KLHL1: variants seen among roughly 807,000 people sequenced by gnomAD.
KLHL1 encodes kelch like family member 1.
Under a neutral mutation model 77.7 loss-of-function variants are expected in KLHL1, and 47 were observed. The ratio of observed to expected loss-of-function variants is 0.60; its 90% CI spans 0.48 to 0.77. The LOEUF (loss-of-function observed/expected upper bound fraction) is 0.77. Ranked by LOEUF, KLHL1 falls within the 30% of genes least tolerant of loss-of-function variation. The pLI, the probability that KLHL1 is intolerant of heterozygous loss-of-function variation, is 0.00. For missense variants in KLHL1, 925 were observed against 910.8 expected, an observed-to-expected ratio of 1.02 and a Z score of -0.20; for synonymous variants, 360 against 325.2, an observed-to-expected ratio of 1.11 and a Z score of -1.15.
chr13:69,829,660 A>C (rs1303126264), intron 6 of KLHL1, among the ~76,000 whole-genome samples: 1 of 150,046 alleles, frequency 6.7e-6, no homozygotes, highest in African/African-American at 2.5e-5. Flanking sequence ...CGCCAGAGAA[A>C]GGTGAAAAAC....
intron 8 of KLHL1, among the ~76,000 whole-genome samples, chr13:69,730,828 C>A (rs911416769): frequency 6.6e-6 from 1 of 152,246 alleles, no homozygotes; most frequent in East Asian, 1.9e-4. Flanking sequence ...AATCCTCTCA[C>A]CTCGGCCTCC....
chr13:69,960,110 CTT>C (rs58284665), intron 3 of KLHL1, among the ~76,000 whole-genome samples: 3 of 124,222 alleles, frequency 2.4e-5, no homozygotes, highest in East Asian at 4.7e-4. Context: ...AGCATGTGTA[CTT>C]TTTTTTTTTT....
At chr13:69,871,284 T>C (rs924981789) in intron 5 of KLHL1, among the ~76,000 whole-genome samples, 6 of 152,146 alleles carry the variant, frequency 3.9e-5, no homozygotes, top group African/African-American at 1.4e-4. Context: ...AGGGAAGTGG[T>C]GCTCTGAGCC....
intron 6 of KLHL1, among the ~76,000 whole-genome samples, chr13:69,810,902 C>A (rs1396793594): frequency 6.6e-6 from 1 of 151,984 alleles, no homozygotes; most frequent in African/African-American, 2.4e-5. Context: ...CATGGAAACA[C>A]TACCTCCCAA....
At chr13:70,054,691 C>T (rs1886702162) in intron 1 of KLHL1, among the ~76,000 whole-genome samples, 1 of 151,020 alleles carries the variant, frequency 6.6e-6, no homozygotes, top group African/African-American at 2.4e-5. Flanking sequence ...AATTCAGAAT[C>T]CTCTCAGACA....
In KLHL1 at chr13:69,831,454, A is replaced by T. The variant is rs542206668; in HGVS notation, c.1414+7522T>A. On this transcript the variant is annotated intron_variant, in intron 6 of 10. Transcript: ENST00000377844. ...AAGGAGCAAGATTGAAATGGTAATT[A>T]AAAAAAGTGTCAAGAAAACAGAAGT... 1.1e-4 allele frequency among the ~76,000 whole-genome samples: 16 copies of T among 149,882 alleles called. 2 individuals carry two copies. Among genetic ancestry groups the T allele is most frequent in the East Asian group, 3.9e-4 (2 of 5,152 alleles).
At chr13:70,094,212 C>T (rs1249326551) in intron 1 of KLHL1, among the ~76,000 whole-genome samples, 6 of 151,792 alleles carry the variant, frequency 4.0e-5, no homozygotes, top group African/African-American at 1.5e-4. Context: ...CACCTGTAGT[C>T]GCAGCTACTC....
At chr13:69,772,749 G>A (rs1444164756) in intron 7 of KLHL1, among the ~76,000 whole-genome samples, 1 of 152,146 alleles carries the variant, frequency 6.6e-6, no homozygotes, top group Non-Finnish European at 1.5e-5. Flanking sequence ...GTTTCTGGAT[G>A]AACAAAGTGT....
intron 4 of KLHL1, among the ~76,000 whole-genome samples, chr13:69,930,706 A>C (rs1331744929): frequency 3.3e-5 from 5 of 151,752 alleles, no homozygotes; most frequent in Non-Finnish European, 5.9e-5. Flanking sequence ...AAAATGTGAA[A>C]GTTAGTAGGA....
rs75836128 is a variant in KLHL1, at chr13:69,712,536, T to C, written c.2016-4740A>G. 3.7e-3 allele frequency among the ~76,000 whole-genome samples: 564 copies of C among 152,228 alleles called. 1 individual carries two copies. The highest frequency in any genetic ancestry group is 0.01 in the Middle Eastern group (3 of 294). On this transcript the variant is annotated intron_variant, in intron 9 of 10. Coordinates refer to ENST00000377844, the MANE Select transcript of KLHL1 (RefSeq NM_020866.3). ...TGAACACAAATCTATTCCATTTGTC[T>C]ATTTATTTATAGTGTATTGTTACTA... is the stretch of plus-strand genomic sequence containing the variant.
At chr13:69,939,362 T>TACATAC in intron 4 of KLHL1, among the ~76,000 whole-genome samples, 1 of 87,230 alleles carries the variant, frequency 1.1e-5, no homozygotes, top group African/African-American at 4.4e-5. Context: ...TATATATATA[T>TACATAC]ATATATATAT....
At chr13:69,757,178 G>A (rs907413273) in intron 7 of KLHL1, among the ~76,000 whole-genome samples, 12 of 151,884 alleles carry the variant, frequency 7.9e-5, no homozygotes, top group Non-Finnish European at 1.2e-4. Context: ...TATCATTTCC[G>A]TGAACCTCCT....
At chr13:69,773,891 T>C (rs1052225771) in intron 7 of KLHL1, among the ~76,000 whole-genome samples, 2 of 147,410 alleles carry the variant, frequency 1.4e-5, no homozygotes, top group Admixed American at 6.7e-5. Context: ...ATACATAGAA[T>C]AAAACGTATT....
chr13:70,010,071 A>C (rs2137336655), intron 1 of KLHL1, among the ~76,000 whole-genome samples: 1 of 152,198 alleles, frequency 6.6e-6, no homozygotes, highest in South Asian at 2.1e-4. Flanking sequence ...GGTAGTTTCA[A>C]AACAAGGAAA....
intron 5 of KLHL1, among the ~76,000 whole-genome samples, chr13:69,879,658 C>A (rs1403123232): frequency 6.6e-6 from 1 of 152,138 alleles, no homozygotes; most frequent in East Asian, 1.9e-4. Context: ...ATGTGCAAGT[C>A]TGTAAAATCC....
intron 8 of KLHL1, among the ~76,000 whole-genome samples, chr13:69,733,020 T>C (rs1873617934): frequency 6.6e-6 from 1 of 152,122 alleles, no homozygotes; most frequent in South Asian, 2.1e-4. Context: ...TAAATTACAA[T>C]ATAGTGTTAT....
intron 6 of KLHL1, among the ~76,000 whole-genome samples, chr13:69,820,494 C>T (rs1404747656): frequency 2.6e-5 from 4 of 152,034 alleles, no homozygotes; most frequent in Non-Finnish European, 5.9e-5. Flanking sequence ...AGCTTGCTAT[C>T]ATTTTACAAA....
chr13:69,884,977 A>G (rs1478891480), intron 4 of KLHL1, among the ~76,000 whole-genome samples: 4 of 117,718 alleles, frequency 3.4e-5, no homozygotes, highest in Non-Finnish European at 6.5e-5. Context: ...TCTGTCGCCC[A>G]GGCCGGACTG....
intron 6 of KLHL1, among the ~76,000 whole-genome samples, chr13:69,814,000 T>C (rs1181281787): frequency 6.6e-6 from 1 of 152,122 alleles, no homozygotes; most frequent in South Asian, 2.1e-4. Context: ...CAAATTATAC[T>C]ATAAGGCTAC....
Sources: allele counts gnomAD v4.1 joint callset (sites outside exome capture counted in the v4.1 genomes callset), GRCh38; gene constraint gnomAD v4.1.1; transcripts MANE v1.5; gene names NCBI Gene and HGNC (gene_info 2026-07-23, HGNC 2026-07-21).